Variants in ERBB4 observed in about 807,000 individuals in gnomAD.
The protein encoded by ERBB4 is receptor tyrosine-protein kinase erbB-4.
ERBB4 carries 42 observed loss-of-function variants against 158.0 expected under a neutral mutation model. The observed-to-expected ratio is 0.27, with a 90% CI of 0.21 to 0.34. The LOEUF is 0.34. Ranked by LOEUF, ERBB4 falls within the 10% of genes least tolerant of loss-of-function variation. The probability of loss-of-function intolerance (pLI) is 1.00; values close to 1 mark genes in which losing one functional copy is unlikely to be tolerated. For synonymous variants in ERBB4, 583 were observed against 558.7 expected (o/e 1.04, Z -0.61); for missense variants, 1,333 against 1,624.1 (o/e 0.82, Z 3.08).
intron 1 of ERBB4, among the ~76,000 whole-genome samples, chr2:212,189,868 T>A (rs17416834): frequency 0.18 from 26,737 of 152,090 alleles, 2,687 homozygotes; most frequent in Non-Finnish European, 0.22. Context: ...GTTAAAAAAA[T>A]TATGCTCACA....
chr2:212,093,351 TAG>T (rs1316258199), intron 2 of ERBB4, among the ~76,000 whole-genome samples: 1 of 152,208 alleles, frequency 6.6e-6, no homozygotes, highest in African/African-American at 2.4e-5. Context: ...ATTAAAAAAT[TAG>T]AGAATTATTT....
intron 20 of ERBB4, among the ~76,000 whole-genome samples, chr2:211,551,568 T>C (rs1450492292): frequency 6.6e-6 from 1 of 152,236 alleles, no homozygotes; most frequent in Non-Finnish European, 1.5e-5. Flanking sequence ...TAAATGTCTC[T>C]ATTACATGAC....
chr2:211,802,632 G>C (rs569742899), intron 3 of ERBB4, among the ~76,000 whole-genome samples: 1 of 152,300 alleles, frequency 6.6e-6, no homozygotes, highest in African/African-American at 2.4e-5. Context: ...TGTTTAAAAT[G>C]TTGTTTCACT....
chr2:211,997,479 A>G (rs2082227494), intron 2 of ERBB4, among the ~76,000 whole-genome samples: 1 of 152,176 alleles, frequency 6.6e-6, no homozygotes, highest in South Asian at 2.1e-4. Flanking sequence ...TGATAAATTC[A>G]ACACCTTAAA....
intron 1 of ERBB4, among the ~76,000 whole-genome samples, chr2:212,335,666 A>G (rs1435721144): frequency 6.6e-6 from 1 of 152,054 alleles, no homozygotes; most frequent in East Asian, 1.9e-4. Context: ...CACAGCAATC[A>G]GATTTTTCTT....
At chr2:211,780,834 C>G (rs773280962) in intron 4 of ERBB4, among the ~76,000 whole-genome samples, 21 of 152,226 alleles carry the variant, frequency 1.4e-4, no homozygotes, top group Non-Finnish European at 2.6e-4. Context: ...GAAAAATGAT[C>G]TTTTGGATTC....
chr2:211,833,055 A>C (rs1013809528), intron 3 of ERBB4, among the ~76,000 whole-genome samples: 1 of 152,072 alleles, frequency 6.6e-6, no homozygotes, highest in Non-Finnish European at 1.5e-5. Context: ...TAAAGGAAAA[A>C]TAATATATAA....
chr2:212,343,130 A>C (rs772730865), intron 1 of ERBB4, among the ~76,000 whole-genome samples: 5 of 152,184 alleles, frequency 3.3e-5, no homozygotes, highest in African/African-American at 4.8e-5. Context: ...GAACATATTT[A>C]ACAACTGTAT....
intron 2 of ERBB4, among the ~76,000 whole-genome samples, chr2:212,092,427 C>A (rs550564251): frequency 7.2e-5 from 11 of 152,170 alleles, no homozygotes; most frequent in African/African-American, 2.6e-4. Flanking sequence ...TAGAGTGTTA[C>A]AATCAAGTTC....
intron 5 of ERBB4, among the ~76,000 whole-genome samples, chr2:211,726,791 T>C (rs1045314905): frequency 6.6e-6 from 1 of 152,114 alleles, no homozygotes; most frequent in South Asian, 2.1e-4. Context: ...TCAGTGTTGA[T>C]TCACAGTATG....
intron 2 of ERBB4, among the ~76,000 whole-genome samples, chr2:211,982,233 A>C (rs1357508763): frequency 6.6e-6 from 1 of 152,164 alleles, no homozygotes; most frequent in African/African-American, 2.4e-5. Context: ...ACTAAAGGAT[A>C]GTACAAGCAG....
intron 16 of ERBB4, among the ~76,000 whole-genome samples, chr2:211,643,759 G>C (rs1346150268): frequency 6.6e-6 from 1 of 151,912 alleles, no homozygotes; most frequent in African/African-American, 2.4e-5. Flanking sequence ...GAGGGGGACA[G>C]GGGTGGGAGG....
intron 3 of ERBB4, among the ~76,000 whole-genome samples, chr2:211,805,714 C>A (rs1470837873): frequency 6.6e-6 from 1 of 151,696 alleles, no homozygotes; most frequent in Admixed American, 6.6e-5. Flanking sequence ...AGGGTGGAAC[C>A]AATACCAAAA....
In ERBB4 at chr2:211,689,824, A is replaced by G. The variant is rs577174645; in HGVS notation, c.1490-10640T>C. Among the ~76,000 whole-genome samples the G allele has an allele frequency of 8.9e-4, 136 of 152,072 alleles. 1 individual carries two copies. The highest frequency in any genetic ancestry group is 3.1e-3 in the African/African-American group (129 of 41,540). ...CTAATGGGATAAACATGATCTTCAG[A>G]GGAAATCCTGAAGAGGGAAAGTTGT... On this transcript the variant is annotated intron_variant, in intron 12 of 27. Transcript: ENST00000342788.
intron 3 of ERBB4, among the ~76,000 whole-genome samples, chr2:211,847,229 A>G (rs2077611813): frequency 6.6e-6 from 1 of 152,000 alleles, no homozygotes; most frequent in Non-Finnish European, 1.5e-5. Flanking sequence ...AAATAATTAA[A>G]TTTCACTTTT....
chr2:211,684,752 T>C (rs549166943), intron 12 of ERBB4, among the ~76,000 whole-genome samples: 11 of 152,186 alleles, frequency 7.2e-5, no homozygotes, highest in African/African-American at 2.4e-4. Context: ...TGATGCCAAC[T>C]GGTCTGAAGG....
chr2:211,673,950 T>A (rs888617059), intron 13 of ERBB4, among the ~76,000 whole-genome samples: 7 of 152,160 alleles, frequency 4.6e-5, no homozygotes, highest in African/African-American at 1.7e-4. Context: ...ATCCTAAAAC[T>A]TTCTAATTGA....
intron 1 of ERBB4, among the ~76,000 whole-genome samples, chr2:212,302,559 T>A (rs2086661221): frequency 6.6e-6 from 1 of 151,462 alleles, no homozygotes; most frequent in Non-Finnish European, 1.5e-5. Flanking sequence ...GATAAAACAT[T>A]GGCAAAATAT....
chr2:212,305,497 T>C (rs142644941), intron 1 of ERBB4, among the ~76,000 whole-genome samples: 1 of 151,406 alleles, frequency 6.6e-6, no homozygotes, highest in East Asian at 2.0e-4. Flanking sequence ...ATGATGGTTG[T>C]ATAACTCCTC....
Sources: gnomAD v4.1 joint callset for allele counts (sites outside exome capture counted in the v4.1 genomes callset) on GRCh38, gnomAD v4.1.1 for gene constraint, MANE v1.5 for transcripts, NCBI Gene and HGNC (gene_info 2026-07-23, HGNC 2026-07-21) for gene names.